PTPRM: variants seen among roughly 807,000 people sequenced by gnomAD.
PTPRM encodes receptor-type tyrosine-protein phosphatase mu.
PTPRM carries 47 observed loss-of-function variants against 186.7 expected under a neutral mutation model. That is an observed-to-expected ratio of 0.25 (90% CI 0.20 to 0.32). The LOEUF (loss-of-function observed/expected upper bound fraction) is 0.32. PTPRM is among the 10% of genes least tolerant of loss of function. The pLI is 1.00. For missense variants in PTPRM, 1,494 were observed against 1,865.0 expected (o/e 0.80, Z 3.66); for synonymous variants, 668 against 674.9 (o/e 0.99, Z 0.16).
intron 7 of PTPRM, among the ~76,000 whole-genome samples, chr18:7,982,603 T>A (rs2082618532): frequency 6.6e-6 from 1 of 151,898 alleles, no homozygotes; most frequent in Non-Finnish European, 1.5e-5. Flanking sequence ...ACCAGTAACA[T>A]AGTTGTCTAT....
chr18:8,088,865 G>A lies in PTPRM; in HGVS notation c.1856+14G>A, dbSNP rs772586651. ...AGCACCTGTCAGGTATGGAACAGAGGGTTGGGCCGGCTCTAGATAGAAGAA... is the reference window on the plus strand; with the variant it reads ...AGCACCTGTCAGGTATGGAACAGAGAGTTGGGCCGGCTCTAGATAGAAGAA... On this transcript the variant is annotated intron_variant, in intron 11 of 32. Transcript: ENST00000580170. The A allele has an allele frequency of 8.9e-6, 14 of 1,570,212 alleles. No homozygotes were observed. Among genetic ancestry groups the A allele is most frequent in the Admixed American group, 6.7e-5 (4 of 59,742 alleles).
At chr18:8,313,027 A>G (rs1003986200) in intron 20 of PTPRM, among the ~76,000 whole-genome samples, 4 of 152,216 alleles carry the variant, frequency 2.6e-5, no homozygotes, top group African/African-American at 9.6e-5. Context: ...TGAAATTTTG[A>G]CTTTCACCCA....
At chr18:7,938,133 C>A (rs2051943085) in intron 5 of PTPRM, among the ~76,000 whole-genome samples, 1 of 152,134 alleles carries the variant, frequency 6.6e-6, no homozygotes, top group Admixed American at 6.5e-5. Flanking sequence ...GTTTTTGGAT[C>A]TTCTCATTGG....
Position 7,888,282 on chromosome 18 carries a change from C to G in PTPRM, c.373C>G (p.Leu125Val). 1 of 1,614,130 alleles carries G rather than the reference C, an allele frequency of 6.2e-7. No homozygotes were observed. Among genetic ancestry groups the G allele is most frequent in the East Asian group, 2.2e-5 (1 of 44,882 alleles). The change falls in exon 3 of 33, where the codon CTG becomes GTG. Residue 125 changes from leucine to valine, a missense_variant. Coordinates refer to ENST00000580170, the MANE Select transcript of PTPRM (RefSeq NM_001105244.2). ...NVYVKVNNGPLGNPIWNISGD... is the reference protein window; with the variant it reads ...NVYVKVNNGPVGNPIWNISGD... Reference sequence around the variant, plus strand: ...CTACGTGAAGGTCAATAACGGGCCACTGGGGAATCCTATCTGGAATATATC... The same window carrying G: ...CTACGTGAAGGTCAATAACGGGCCAGTGGGGAATCCTATCTGGAATATATC...
intron 14 of PTPRM, among the ~76,000 whole-genome samples, chr18:8,149,961 G>A (rs1305383152): frequency 6.6e-6 from 1 of 152,166 alleles, no homozygotes; most frequent in East Asian, 1.9e-4. Flanking sequence ...CTTTAAGAAT[G>A]TTGAATATTG....
At position 7,994,488 on chromosome 18, in the gene PTPRM, C is replaced by T. The variant is rs560243277; in HGVS notation, c.1132+39074C>T. The stretch of plus-strand genomic sequence containing the variant: ...CTACAGACCACATGGACCTAGCAGA[C>T]GTTACAGAACCTTTCATCCGACAAC... On this transcript the variant is annotated intron_variant, in intron 7 of 32. Coordinates refer to ENST00000580170, the MANE Select transcript of PTPRM (RefSeq NM_001105244.2). Among the ~76,000 whole-genome samples the T allele has an allele frequency of 8.5e-4, 130 of 152,226 alleles. 1 individual carries two copies. The highest frequency in any genetic ancestry group is 4.6e-4 in the Non-Finnish European group (31 of 68,000).
chr18:8,225,845 A>G (rs1265012924), intron 14 of PTPRM, among the ~76,000 whole-genome samples: 1 of 152,214 alleles, frequency 6.6e-6, no homozygotes. Flanking sequence ...CATAAACAAA[A>G]TTTCAAACAA....
chr18:8,224,267 C>G (rs2094187552), intron 14 of PTPRM, among the ~76,000 whole-genome samples: 2 of 152,140 alleles, frequency 1.3e-5, no homozygotes, highest in African/African-American at 4.8e-5. Flanking sequence ...CCAGTTTTCT[C>G]TTTTTATTTA....
At chr18:8,038,485 G>GTGGA (rs2086483556) in intron 7 of PTPRM, among the ~76,000 whole-genome samples, 1 of 149,126 alleles carries the variant, frequency 6.7e-6, no homozygotes, top group Non-Finnish European at 1.5e-5. Context: ...TCCACTTCCT[G>GTGGA]GGTTCAAGTG....
At chr18:8,276,689 A>G (rs72913140) in intron 19 of PTPRM, among the ~76,000 whole-genome samples, 44,345 of 152,030 alleles carry the variant, frequency 0.29, 6,793 homozygotes, top group Admixed American at 0.39. Flanking sequence ...AGGTACTGCA[A>G]TCTGAACCAC....
chr18:8,330,486 C>A (rs631700), intron 22 of PTPRM, among the ~76,000 whole-genome samples: 140,588 of 152,182 alleles, frequency 0.92, 65,817 homozygotes, highest in East Asian at 1. Context: ...CACTTGTGTA[C>A]TGAGAAGAGC....
intron 1 of PTPRM, among the ~76,000 whole-genome samples, chr18:7,570,455 A>G (rs1055124043): frequency 2.6e-5 from 4 of 152,350 alleles, no homozygotes; most frequent in African/African-American, 4.8e-5. Context: ...CTCACAAAAC[A>G]TTTCTCATAG....
chr18:8,094,391 T>G (rs2090912725), intron 11 of PTPRM, among the ~76,000 whole-genome samples: 1 of 151,934 alleles, frequency 6.6e-6, no homozygotes. Flanking sequence ...TATAAATGTT[T>G]TGTAATATAA....
chr18:7,908,927 G>A (rs2050128776), intron 4 of PTPRM, among the ~76,000 whole-genome samples: 1 of 152,216 alleles, frequency 6.6e-6, no homozygotes, highest in South Asian at 2.1e-4. Flanking sequence ...CTTACTAGGA[G>A]GTTAAAAACA....
At chr18:8,171,128 A>T (rs928209596) in intron 14 of PTPRM, among the ~76,000 whole-genome samples, 1 of 152,214 alleles carries the variant, frequency 6.6e-6, no homozygotes, top group Non-Finnish European at 1.5e-5. Context: ...ATTCATGGAT[A>T]ATTAAGGCAA....
At chr18:7,965,742 A>AT (rs1469955334) in intron 7 of PTPRM, among the ~76,000 whole-genome samples, 1 of 152,108 alleles carries the variant, frequency 6.6e-6, no homozygotes, top group Non-Finnish European at 1.5e-5. Flanking sequence ...AAGCAGGTGG[A>AT]TTTTATCTTG....
chr18:7,639,481 A>C (rs1043442306), intron 1 of PTPRM, among the ~76,000 whole-genome samples: 3 of 149,374 alleles, frequency 2.0e-5, no homozygotes, highest in Non-Finnish European at 4.4e-5. Flanking sequence ...CTGCCTCTTG[A>C]GTTTAAGTGA....
intron 5 of PTPRM, among the ~76,000 whole-genome samples, chr18:7,934,850 T>G (rs780494210): frequency 1.3e-5 from 2 of 152,266 alleles, no homozygotes; most frequent in Non-Finnish European, 2.9e-5. Flanking sequence ...TGTTTGGTAC[T>G]GCAGAAAAAG....
chr18:7,623,408 T>C (rs999786498), intron 1 of PTPRM, among the ~76,000 whole-genome samples: 1 of 152,162 alleles, frequency 6.6e-6, no homozygotes, highest in Admixed American at 6.5e-5. Flanking sequence ...CAGATTTCCA[T>C]GCACGTATAT....
Sources: allele counts gnomAD v4.1 joint callset (sites outside exome capture counted in the v4.1 genomes callset), GRCh38; gene constraint gnomAD v4.1.1; transcripts MANE v1.5; gene names NCBI Gene and HGNC (gene_info 2026-07-23, HGNC 2026-07-21).